Variants in SIL1 observed in about 807,000 individuals in gnomAD.
The protein encoded by SIL1 is nucleotide exchange factor SIL1.
In SIL1, 40 loss-of-function variants were observed where a neutral mutation model predicts 49.1. The observed-to-expected ratio is 0.81, with a 90% CI of 0.63 to 1.06. The LOEUF (loss-of-function observed/expected upper bound fraction) is 1.06. SIL1 is among the 50% of genes least tolerant of loss of function. The probability of loss-of-function intolerance (pLI) is 0.00; values close to 1 mark genes in which losing one functional copy is unlikely to be tolerated. For synonymous variants in SIL1, 253 were observed against 250.8 expected, an observed-to-expected ratio of 1.01 and a Z score of -0.08; for missense variants, 500 against 572.6, an observed-to-expected ratio of 0.87 and a Z score of 1.29.
rs761688927 is a variant in SIL1, at chr5:139,026,988, C to A, written c.458G>T (p.Arg153Met). The A allele has an allele frequency of 1.9e-6, 3 of 1,614,042 alleles. No homozygotes were observed. Among genetic ancestry groups the A allele is most frequent in the Non-Finnish European group, 2.5e-6 (3 of 1,180,040 alleles). ...GAAGAGCCGCTTTACCTCAGCCTGC[C>A]TTGCCTAAGGAGAGCAGCAAAGAGG... ...EMESSKEDKA[R>M]QAEVKRLFRP... The change falls in exon 6 of 10, where the codon AGG (arginine) becomes ATG (methionine). Residue 153 changes from arginine (R) to methionine (M), a missense_variant. Arg to Met is a moderately conservative substitution (Grantham distance 91). Coordinates refer to ENST00000394817, the MANE Select transcript of SIL1 (RefSeq NM_022464.5).
At chr5:139,183,046 T>A (rs554129174) in intron 1 of SIL1, among the ~76,000 whole-genome samples, 3 of 152,222 alleles carry the variant, frequency 2.0e-5, no homozygotes, top group Non-Finnish European at 4.4e-5. Flanking sequence ...GAATTTCACA[T>A]GCCTGAGGCA....
intron 3 of SIL1, among the ~76,000 whole-genome samples, chr5:139,055,269 G>A (rs1412106341): frequency 4.6e-5 from 7 of 152,086 alleles, no homozygotes; most frequent in Admixed American, 6.5e-5. Context: ...CTTGAATTTT[G>A]ACTCCCACTG....
chr5:139,094,393 G>C (rs1043417602), intron 3 of SIL1, among the ~76,000 whole-genome samples: 10 of 152,146 alleles, frequency 6.6e-5, no homozygotes, highest in African/African-American at 1.9e-4. Context: ...CAAAATCTCT[G>C]TCCACTCAGG....
chr5:139,187,459 A>G (rs868042961), intron 1 of SIL1, among the ~76,000 whole-genome samples: 29 of 151,666 alleles, frequency 1.9e-4, no homozygotes, highest in African/African-American at 3.1e-4. Flanking sequence ...AGAGGTTGCA[A>G]TGAGCCGAGA....
chr5:139,052,079 G>GA (rs1287642129), intron 3 of SIL1, among the ~76,000 whole-genome samples: 1 of 152,148 alleles, frequency 6.6e-6, no homozygotes, highest in African/African-American at 2.4e-5. Context: ...ATGACTTTCA[G>GA]AAAAAATTCC....
chr5:138,976,322 T>A (rs1767393107), intron 7 of SIL1, among the ~76,000 whole-genome samples: 1 of 150,446 alleles, frequency 6.6e-6, no homozygotes, highest in Non-Finnish European at 1.5e-5. Context: ...TTTTTTTTTT[T>A]TTTTTTTTGA....
chr5:139,038,986 C>T (rs1768980390), intron 5 of SIL1, among the ~76,000 whole-genome samples: 1 of 152,218 alleles, frequency 6.6e-6, no homozygotes. Context: ...CCCTGCTTAG[C>T]CTCTGCTGAC....
At chr5:139,009,145 C>T in intron 7 of SIL1, among the ~76,000 whole-genome samples, 1 of 150,926 alleles carries the variant, frequency 6.6e-6, no homozygotes, top group African/African-American at 2.4e-5. Context: ...TCTGGGTGCT[C>T]CTGTATTGGG....
At chr5:139,068,135 G>A (rs748469808) in intron 3 of SIL1, among the ~76,000 whole-genome samples, 4 of 152,154 alleles carry the variant, frequency 2.6e-5, no homozygotes, top group Non-Finnish European at 4.4e-5. Context: ...CAAAAGCAAC[G>A]TCGTCTAATC....
chr5:138,974,627 G>T (rs746108443), intron 7 of SIL1, among the ~76,000 whole-genome samples: 14 of 152,196 alleles, frequency 9.2e-5, no homozygotes, highest in Non-Finnish European at 1.9e-4. Flanking sequence ...TCACGTGGAA[G>T]AACATTCGGT....
At chr5:139,005,141 C>T (rs1290733495) in intron 7 of SIL1, among the ~76,000 whole-genome samples, 1 of 152,014 alleles carries the variant, frequency 6.6e-6, no homozygotes, top group South Asian at 2.1e-4. Flanking sequence ...GTGCTCTCAC[C>T]ACAAAAATGA....
intron 8 of SIL1, 132 bp from the exon 9 acceptor site, chr5:138,951,467 C>A: frequency 1.1e-6 from 1 of 903,718 alleles, no homozygotes; most frequent in Non-Finnish European, 1.7e-6. Flanking sequence ...ACAGCTATAC[C>A]CCAGAACCCA....
chr5:138,954,098 G>A (rs553455372), intron 7 of SIL1, among the ~76,000 whole-genome samples: 5 of 152,286 alleles, frequency 3.3e-5, no homozygotes, highest in Admixed American at 6.5e-5. Flanking sequence ...GATGTGGGTC[G>A]GGAGCCACCC....
At chr5:139,093,678 G>C (rs1245541861) in intron 3 of SIL1, 1 of 152,096 alleles carries the variant, frequency 6.6e-6, no homozygotes, top group African/African-American at 2.4e-5. Flanking sequence ...TCTTTCATTT[G>C]TCCCAAATTT....
At chr5:139,163,165 G>C (rs554021231) in intron 1 of SIL1, among the ~76,000 whole-genome samples, 1 of 151,980 alleles carries the variant, frequency 6.6e-6, no homozygotes, top group South Asian at 2.1e-4. Flanking sequence ...CTTATAACCA[G>C]GCTAAGGAGT....
At chr5:139,014,276 A>C (rs1227483946) in intron 7 of SIL1, 2 of 152,074 alleles carry the variant, frequency 1.3e-5, no homozygotes. Flanking sequence ...CTGAGGCAGG[A>C]AAATTACTTG....
intron 3 of SIL1, among the ~76,000 whole-genome samples, chr5:139,079,143 G>C (rs1337181783): frequency 6.6e-6 from 1 of 152,202 alleles, no homozygotes; most frequent in East Asian, 1.9e-4. Context: ...GGAATATTGT[G>C]GGGGCCCAGT....
intron 7 of SIL1, among the ~76,000 whole-genome samples, chr5:138,982,649 G>T (rs1411255458): frequency 6.6e-6 from 1 of 152,228 alleles, no homozygotes; most frequent in African/African-American, 2.4e-5. Flanking sequence ...TTTGGCCAAG[G>T]TCACTGTACA....
chr5:139,121,386 C>T (rs763292413), intron 2 of SIL1, among the ~76,000 whole-genome samples: 1 of 152,076 alleles, frequency 6.6e-6, no homozygotes, highest in Non-Finnish European at 1.5e-5. Context: ...TTGTCCTGTG[C>T]GTATGTGGTA....
Sources: gnomAD v4.1 joint callset for allele counts (sites outside exome capture counted in the v4.1 genomes callset) on GRCh38, gnomAD v4.1.1 for gene constraint, MANE v1.5 for transcripts, NCBI Gene and HGNC (gene_info 2026-07-23, HGNC 2026-07-21) for gene names.